Variants in SH3RF3 observed in about 807,000 individuals in gnomAD.
SH3RF3 encodes the protein SH3 domain containing ring finger 3.
A neutral mutation model predicts 66.3 loss-of-function variants in SH3RF3; 29 were observed. The observed-to-expected ratio is 0.44, with a 90% CI of 0.33 to 0.60. The LOEUF (loss-of-function observed/expected upper bound fraction) is 0.60, where lower values mean the gene tolerates loss of function less well. Among genes scored for constraint, SH3RF3 ranks in the 20% least tolerant of loss-of-function variants. SH3RF3 has a pLI of 0.04. For missense variants in SH3RF3, 1,194 were observed against 1,190.9 expected (o/e 1.00, Z -0.04); for synonymous variants, 583 against 532.0 (o/e 1.10, Z -1.32).
chr2:109,174,769 T>C (rs1677878353), intron 1 of SH3RF3, among the ~76,000 whole-genome samples: 1 of 152,242 alleles, frequency 6.6e-6, no homozygotes, highest in Non-Finnish European at 1.5e-5. Flanking sequence ...CTTGTGTGGC[T>C]CACTCGCTGG....
At chr2:109,164,151 A>G (rs551933621) in intron 1 of SH3RF3, among the ~76,000 whole-genome samples, 1 of 152,164 alleles carries the variant, frequency 6.6e-6, no homozygotes, top group South Asian at 2.1e-4. Flanking sequence ...TGGTCCAGGA[A>G]AACTCTGATG....
chr2:109,169,467 G>A (rs899285286), intron 1 of SH3RF3, among the ~76,000 whole-genome samples: 13 of 152,030 alleles, frequency 8.6e-5, no homozygotes, highest in African/African-American at 2.9e-4. Flanking sequence ...TTGAATTGTC[G>A]GGGAGGAAGC....
chr2:109,273,433 A>C (rs1025726396), intron 1 of SH3RF3, among the ~76,000 whole-genome samples: 1 of 152,224 alleles, frequency 6.6e-6, no homozygotes, highest in Non-Finnish European at 1.5e-5. Context: ...GCCTGCCCCC[A>C]GGAGGTGTGC....
In SH3RF3 at chr2:109,489,779, C is replaced by T. The variant is rs934585475; in HGVS notation, c.2149-826C>T. Among the ~76,000 whole-genome samples the T allele has an allele frequency of 4.5e-4, 68 of 151,754 alleles. 1 individual carries two copies. Among genetic ancestry groups the T allele is most frequent in the Non-Finnish European group, 1.2e-4 (8 of 67,960 alleles). Reference sequence around the variant, plus strand: ...GGGGGACGGAGTCTCGCTCTGTCACCCAGGCTGGAGTGCAGTGGCGCAATC... The same window carrying T: ...GGGGGACGGAGTCTCGCTCTGTCACTCAGGCTGGAGTGCAGTGGCGCAATC... On this transcript the variant is annotated intron_variant, in intron 8 of 9. Coordinates refer to ENST00000309415, the MANE Select transcript of SH3RF3 (RefSeq NM_001099289.3).
chr2:109,239,889 AAGGTGAGG>A (rs1428948430), intron 1 of SH3RF3, among the ~76,000 whole-genome samples: 1 of 152,226 alleles, frequency 6.6e-6, no homozygotes, highest in African/African-American at 2.4e-5. Context: ...ATGTGTGCTG[AAGGTGAGG>A]AGTCACTCAA....
intron 1 of SH3RF3, among the ~76,000 whole-genome samples, chr2:109,183,046 C>T (rs967429183): frequency 6.6e-6 from 1 of 152,138 alleles, no homozygotes; most frequent in Admixed American, 6.5e-5. Context: ...ATTTTCTAGT[C>T]GTTTTTATCC....
At chr2:109,173,615 G>A (rs1211268850) in intron 1 of SH3RF3, among the ~76,000 whole-genome samples, 1 of 152,104 alleles carries the variant, frequency 6.6e-6, no homozygotes, top group East Asian at 1.9e-4. Context: ...AGTGGTTACC[G>A]TCTGGCCCTT....
rs1491034312 is a variant in SH3RF3, at chr2:109,370,225, CTG to C, written c.850-1359_850-1358del. ...TCTGTCTCTGTCTCTGTCTCTGTCT[CTG>C]TCTCTCTCTCTCTTTTTCTTTTTTT... On this transcript the variant is annotated intron_variant, in intron 2 of 9. Coordinates refer to ENST00000309415, the MANE Select transcript of SH3RF3 (RefSeq NM_001099289.3). Among the ~76,000 whole-genome samples the C allele has an allele frequency of 5.0e-5, 7 of 139,566 alleles. No homozygotes were observed. The South Asian group carries it at 6.5e-4, about 13-fold the overall frequency. 91.6% of individuals were successfully genotyped at this position (139,566 alleles called of 152,430 possible).
intron 1 of SH3RF3, among the ~76,000 whole-genome samples, chr2:109,338,432 CTT>C (rs538854924): frequency 2.1e-5 from 3 of 145,802 alleles, no homozygotes; most frequent in Non-Finnish European, 1.5e-5. Flanking sequence ...CTTAGGGAAA[CTT>C]TTTTTTTTTT....
At chr2:109,182,940 T>C (rs1304695716) in intron 1 of SH3RF3, among the ~76,000 whole-genome samples, 5 of 152,208 alleles carry the variant, frequency 3.3e-5, no homozygotes, top group African/African-American at 7.2e-5. Context: ...CATGAATCTT[T>C]GACATTGGTG....
At chr2:109,179,664 C>T (rs1395683867) in intron 1 of SH3RF3, among the ~76,000 whole-genome samples, 1 of 152,152 alleles carries the variant, frequency 6.6e-6, no homozygotes, top group African/African-American at 2.4e-5. Flanking sequence ...GCTAAGGTCT[C>T]TCTTCCTGTT....
In SH3RF3 at chr2:109,291,235, A is replaced by G. The variant is rs921223682; in HGVS notation, c.574-56439A>G. 2.6e-5 allele frequency among the ~76,000 whole-genome samples: 4 copies of G among 152,160 alleles called. No homozygotes were observed. In the East Asian group the frequency reaches 7.7e-4, roughly 29 times the overall value. On this transcript the variant is annotated intron_variant, in intron 1 of 9. Transcript: ENST00000309415. ...AGGATATTATGGAGAAATGCCAGAA[A>G]GCAACAACAGAAGGCTGTTGGGAGA...
intron 1 of SH3RF3, among the ~76,000 whole-genome samples, chr2:109,249,505 C>CTT (rs1376485164): frequency 1.3e-3 from 58 of 43,260 alleles, no homozygotes; most frequent in African/African-American, 6.1e-3. Flanking sequence ...TTCTTTCTTT[C>CTT]TTTCATTCTT....
intron 1 of SH3RF3, among the ~76,000 whole-genome samples, chr2:109,173,425 G>A (rs1474150854): frequency 2.6e-5 from 4 of 152,112 alleles, no homozygotes; most frequent in African/African-American, 4.8e-5. Context: ...GGAAGAATTC[G>A]GATAAATGAC....
Position 109,371,591 on chromosome 2 carries a change from G to A in SH3RF3, c.855G>A (p.Glu285=), listed in dbSNP as rs781297506. 3 of 1,613,990 alleles carry A rather than the reference G, an allele frequency of 1.9e-6. No homozygotes were observed. The highest frequency in any genetic ancestry group is 2.5e-6 in the Non-Finnish European group (3 of 1,179,902). The change falls in exon 3 of 10, where the codon GAG becomes GAA. Residue 285 remains glutamate, a synonymous_variant. Transcript: ENST00000309415. Reference sequence around the variant, plus strand: ...CGGTGGACCCGGAACTGCAGGACGAGATTCTGACGGTGCTCAGGAGAGTGG... The same window carrying A: ...CGGTGGACCCGGAACTGCAGGACGAAATTCTGACGGTGCTCAGGAGAGTGG... The part of the protein sequence containing the change: ...DKDCLTFTKD[E]ILTVLRRVDE...
intron 1 of SH3RF3, among the ~76,000 whole-genome samples, chr2:109,292,352 G>A (rs1203129552): frequency 6.6e-6 from 1 of 152,152 alleles, no homozygotes; most frequent in Non-Finnish European, 1.5e-5. Context: ...TTTCAAACAT[G>A]GCTGGGATCA....
chr2:109,397,099 A>C (rs1187465497), intron 3 of SH3RF3, among the ~76,000 whole-genome samples: 1 of 152,158 alleles, frequency 6.6e-6, no homozygotes, highest in Non-Finnish European at 1.5e-5. Flanking sequence ...GTGCTGCTGC[A>C]GAGACCCTGT....
intron 1 of SH3RF3, among the ~76,000 whole-genome samples, chr2:109,213,645 TG>T (rs1196755725): frequency 2.6e-5 from 4 of 152,246 alleles, no homozygotes; most frequent in Non-Finnish European, 1.5e-5. Context: ...GGCAGCAAAC[TG>T]TGTGTCTACA....
chr2:109,411,418 A>G (rs1456351700), intron 4 of SH3RF3, among the ~76,000 whole-genome samples: 1 of 152,148 alleles, frequency 6.6e-6, no homozygotes, highest in Non-Finnish European at 1.5e-5. Context: ...CATTCTGTAC[A>G]GCTGGGCCTG....
Sources: allele counts gnomAD v4.1 joint callset (sites outside exome capture counted in the v4.1 genomes callset), GRCh38; gene constraint gnomAD v4.1.1; transcripts MANE v1.5; gene names NCBI Gene and HGNC (gene_info 2026-07-23, HGNC 2026-07-21).